The following PTCHD4 variants were observed in gnomAD, a reference collection of about 807,000 sequenced individuals.
PTCHD4 encodes patched domain-containing protein 4.
PTCHD4 carries 33 observed loss-of-function variants against 58.1 expected under a neutral mutation model. The observed-to-expected ratio is 0.57, with a 90% confidence interval of 0.43 to 0.76. The LOEUF (loss-of-function observed/expected upper bound fraction) is 0.76. PTCHD4 is among the 30% of genes least tolerant of loss of function. The probability of loss-of-function intolerance (pLI) is 0.00; values close to 1 mark genes in which losing one functional copy is unlikely to be tolerated. For synonymous variants in PTCHD4, 478 were observed against 409.6 expected, an observed-to-expected ratio of 1.17 and a Z score of -2.02; for missense variants, 1,058 against 1,027.1, an observed-to-expected ratio of 1.03 and a Z score of -0.41.
Position 48,046,308 on chromosome 6 carries a change from A to G in PTCHD4, c.417+21922T>C, listed in dbSNP as rs141619205. ...CGTATTGGAGCTGCTCCTTTATGGA[A>G]ACAAAATAACTGAAGATGCAAGTAG... On this transcript the variant is annotated intron_variant, in intron 3 of 4. Transcript: ENST00000339488. Among the ~76,000 whole-genome samples, 138 of 151,918 alleles carry G rather than the reference A, an allele frequency of 9.1e-4. 1 individual carries two copies. Among genetic ancestry groups the G allele is most frequent in the Middle Eastern group, 3.4e-3 (1 of 294 alleles).
At chr6:47,979,072 C>A (rs1767792331) in intron 4 of PTCHD4, among the ~76,000 whole-genome samples, 1 of 152,120 alleles carries the variant, frequency 6.6e-6, no homozygotes, top group Non-Finnish European at 1.5e-5. Context: ...AAGCCTTCTA[C>A]CAAAGCTTAC....
chr6:47,903,203 T>C (rs993398136), intron 4 of PTCHD4, among the ~76,000 whole-genome samples: 1 of 152,054 alleles, frequency 6.6e-6, no homozygotes, highest in Non-Finnish European at 1.5e-5. Flanking sequence ...TTCTTGAATA[T>C]TAAAAGAGAA....
At chr6:48,104,990 C>T (rs908277305) in intron 1 of PTCHD4, among the ~76,000 whole-genome samples, 3 of 152,116 alleles carry the variant, frequency 2.0e-5, no homozygotes, top group African/African-American at 7.2e-5. Flanking sequence ...TAGATTCCCA[C>T]ACAATAATAA....
chr6:48,092,020 T>TAC (rs1187717449), intron 1 of PTCHD4, among the ~76,000 whole-genome samples: 3 of 150,132 alleles, frequency 2.0e-5, no homozygotes, highest in Admixed American at 6.6e-5. Context: ...CACACACACA[T>TAC]ACACACACAC....
At chr6:48,020,276 T>A (rs1277281374) in intron 3 of PTCHD4, among the ~76,000 whole-genome samples, 1 of 151,190 alleles carries the variant, frequency 6.6e-6, no homozygotes, top group Admixed American at 6.6e-5. Context: ...AAAAAAGAGG[T>A]TTTTCAGATC....
intron 4 of PTCHD4, among the ~76,000 whole-genome samples, chr6:47,915,001 T>C (rs10807382): frequency 0.57 from 86,273 of 151,890 alleles, 25,768 homozygotes; most frequent in East Asian, 0.78. Context: ...ACTTCCTGAA[T>C]CTTTATGAGA....
chr6:48,108,147 C>T (rs1765780239), intron 1 of PTCHD4, among the ~76,000 whole-genome samples: 1 of 152,180 alleles, frequency 6.6e-6, no homozygotes, highest in Non-Finnish European at 1.5e-5. Flanking sequence ...AATACACATG[C>T]ACATGTACGT....
chr6:48,097,978 T>A (rs1462739505), intron 1 of PTCHD4, among the ~76,000 whole-genome samples: 2 of 152,178 alleles, frequency 1.3e-5, no homozygotes, highest in Non-Finnish European at 2.9e-5. Flanking sequence ...GTCGCTTCCA[T>A]CAGTTAAGTT....
rs1423979393 is a variant in PTCHD4, at chr6:47,914,692, ATCTG to A, written c.899-34760_899-34757del. Among the ~76,000 whole-genome samples the A allele has an allele frequency of 2.5e-3, 275 of 111,098 alleles. 1 individual carries two copies. Among genetic ancestry groups the A allele is most frequent in the African/African-American group, 5.1e-3 (176 of 34,526 alleles). 72.9% of individuals were successfully genotyped at this position (111,098 alleles called of 152,430 possible). A position where few individuals can be genotyped will look rare whatever the true frequency, so the allele number is the denominator to read the frequency against. ...TATAATAGAACCTATCTATCTATCT[ATCTG>A]TCTGTCTGTCTGTCTCTCTGTCTGT... is the stretch of plus-strand genomic sequence containing the variant. On this transcript the variant is annotated intron_variant, in intron 4 of 4. Coordinates refer to ENST00000339488, the MANE Select transcript of PTCHD4 (RefSeq NM_001384253.1).
chr6:47,941,457 T>C (rs946428526), intron 4 of PTCHD4, among the ~76,000 whole-genome samples: 7 of 152,174 alleles, frequency 4.6e-5, no homozygotes, highest in African/African-American at 1.7e-4. Flanking sequence ...TGAAATACCA[T>C]TCTCCCTGAC....
intron 4 of PTCHD4, among the ~76,000 whole-genome samples, chr6:47,905,221 T>A (rs1217089069): frequency 6.6e-6 from 1 of 152,132 alleles, no homozygotes; most frequent in Non-Finnish European, 1.5e-5. Context: ...GTCAAAGTCA[T>A]TGAAGGATAT....
intron 1 of PTCHD4, among the ~76,000 whole-genome samples, chr6:48,084,820 T>C (rs1765232254): frequency 6.6e-6 from 1 of 150,916 alleles, no homozygotes; most frequent in African/African-American, 2.4e-5. Flanking sequence ...CTCAGCTCAC[T>C]GCAACCTCCA....
chr6:48,056,440 G>A (rs941781065), intron 3 of PTCHD4, among the ~76,000 whole-genome samples: 1 of 152,056 alleles, frequency 6.6e-6, no homozygotes, highest in African/African-American at 2.4e-5. Flanking sequence ...ACTAATATGT[G>A]CCTGTCATTT....
intron 3 of PTCHD4, among the ~76,000 whole-genome samples, chr6:48,010,515 C>A (rs1054945208): frequency 3.3e-5 from 5 of 151,602 alleles, no homozygotes; most frequent in African/African-American, 1.2e-4. Flanking sequence ...GAGTGTGTTG[C>A]AAACACAAAA....
rs530315447 is a variant in PTCHD4 at position 47,989,731 on chromosome 6, G to C, written c.898+18903C>G. On this transcript the variant is annotated intron_variant, in intron 4 of 4. Coordinates refer to ENST00000339488, the MANE Select transcript of PTCHD4 (RefSeq NM_001384253.1). ...ATGTATGGAAACACCTGGATGCCCA[G>C]GCAAAAGTTTGCTGCAGGGGCGAGG... Among the ~76,000 whole-genome samples the C allele has an allele frequency of 1.6e-4, 25 of 152,324 alleles. No individual in the cohort carries two copies. The South Asian group carries it at 5.2e-3, about 32-fold the overall frequency.
At position 47,860,085 on chromosome 6, in the gene PTCHD4, T is replaced by C. The variant is rs1264796320; in HGVS notation, c.*18218A>G. Among the ~76,000 whole-genome samples, 1 of 152,072 alleles carries C rather than the reference T, an allele frequency of 6.6e-6. No homozygotes were observed. The highest frequency in any genetic ancestry group is 6.6e-5 in the Admixed American group (1 of 15,258). The stretch of plus-strand genomic sequence containing the variant: ...TCTTCAAGGCCTATTTGAAGCTGCA[T>C]TTCCTTCTTGAAGTATTCCCCTTTA... On this transcript the variant is annotated 3_prime_UTR_variant, in exon 5 of 5. Transcript: ENST00000339488.
chr6:47,889,470 C>G (rs1051607548), intron 4 of PTCHD4, among the ~76,000 whole-genome samples: 4 of 151,806 alleles, frequency 2.6e-5, no homozygotes, highest in Non-Finnish European at 5.9e-5. Context: ...TGAGAAGTGT[C>G]TGTTCATGTC....
intron 4 of PTCHD4, among the ~76,000 whole-genome samples, chr6:47,887,464 T>G (rs1055937216): frequency 5.9e-5 from 9 of 152,188 alleles, no homozygotes; most frequent in African/African-American, 2.2e-4. Context: ...CCAGTGATTC[T>G]GAATTTTTCT....
At chr6:48,052,530 C>T (rs770533725) in intron 3 of PTCHD4, among the ~76,000 whole-genome samples, 6 of 151,890 alleles carry the variant, frequency 4.0e-5, no homozygotes, top group Non-Finnish European at 7.4e-5. Flanking sequence ...AGACAACCCT[C>T]CACAATTTTT....
Sources: allele counts gnomAD v4.1 joint callset (sites outside exome capture counted in the v4.1 genomes callset), GRCh38; gene constraint gnomAD v4.1.1; transcripts MANE v1.5; gene names NCBI Gene and HGNC (gene_info 2026-07-23, HGNC 2026-07-21).